Variants in FMN2 observed in about 807,000 individuals in gnomAD.
FMN2 encodes formin 2, also known as formin-2.
A neutral mutation model predicts 142.3 loss-of-function variants in FMN2; 51 were observed. The ratio of observed to expected loss-of-function variants is 0.36; its 90% CI spans 0.29 to 0.45. The LOEUF is 0.45. Among genes scored for constraint, FMN2 ranks in the 20% least tolerant of loss-of-function variants. FMN2 has a pLI of 1.00. For synonymous variants in FMN2, 882 were observed against 869.8 expected (o/e 1.01, Z -0.25); for missense variants, 1,936 against 2,122.8 (o/e 0.91, Z 1.73).
intron 16 of FMN2, among the ~76,000 whole-genome samples, chr1:240,468,249 T>C (rs372906879): frequency 7.2e-4 from 99 of 136,764 alleles, no homozygotes; most frequent in Admixed American, 2.6e-3. Flanking sequence ...CACACACACA[T>C]ATATACATAT....
intron 4 of FMN2, among the ~76,000 whole-genome samples, chr1:240,200,674 G>A (rs376846576): frequency 6.8e-4 from 104 of 152,200 alleles, no homozygotes; most frequent in African/African-American, 2.2e-3. Flanking sequence ...ATACAGGGCC[G>A]GTCGGGATTT....
At chr1:240,310,458 TC>T (rs1356993133) in intron 8 of FMN2, among the ~76,000 whole-genome samples, 1 of 152,178 alleles carries the variant, frequency 6.6e-6, no homozygotes, top group East Asian at 1.9e-4. Flanking sequence ...AGCCTCCAAA[TC>T]TAAACACACC....
In FMN2 at chr1:240,093,645, C is replaced by A. The variant is rs1054813203; in HGVS notation, c.1536C>A (p.Gly512=). ...AGCGCGGGGTGGCGAGTGACAGCGG[C>A]GGTGGGGTGTCCCCAGCACTGGCCG... ...LLERGVASDS[G]GGVSPALAAK... The change falls in exon 1 of 18, where the codon GGC becomes GGA. Residue 512 remains glycine, a synonymous_variant. Coordinates refer to ENST00000319653, the MANE Select transcript of FMN2 (RefSeq NM_020066.5). The A allele has an allele frequency of 4.2e-6, 6 of 1,419,834 alleles. No individual in the cohort carries two copies. Among genetic ancestry groups the A allele is most frequent in the Non-Finnish European group, 5.5e-6 (6 of 1,098,832 alleles). 88.0% of individuals were successfully genotyped at this position (1,419,834 alleles called of 1,614,324 possible).
rs374934885 is a variant in FMN2 at position 240,468,206 on chromosome 1, A to ATATATGTG, written c.5061-4165_5061-4164insATATGTGT. 9.6e-4 allele frequency among the ~76,000 whole-genome samples: 142 copies of ATATATGTG among 147,968 alleles called. 1 individual carries two copies. The highest frequency in any genetic ancestry group is 3.3e-3 in the African/African-American group (130 of 39,984). On this transcript the variant is annotated intron_variant, in intron 16 of 17. Coordinates refer to ENST00000319653, the MANE Select transcript of FMN2 (RefSeq NM_020066.5). ...AATGCATCCACTAAAATATATATAT[A>ATATATGTG]TGTGTGTGTGTGTGTGTGTGTGTGT...
chr1:240,147,949 G>T (rs898376492), intron 2 of FMN2, among the ~76,000 whole-genome samples: 1 of 152,180 alleles, frequency 6.6e-6, no homozygotes, highest in Admixed American at 6.5e-5. Flanking sequence ...TAGAAAGTGT[G>T]TTCTGTGAAT....
intron 3 of FMN2, among the ~76,000 whole-genome samples, chr1:240,185,349 C>T (rs145535847): frequency 3.3e-5 from 5 of 152,082 alleles, no homozygotes; most frequent in African/African-American, 9.6e-5. Context: ...AATCTTGACC[C>T]TCTAGAACTC....
chr1:240,369,686 C>G (rs993543846), intron 14 of FMN2, among the ~76,000 whole-genome samples: 3 of 152,204 alleles, frequency 2.0e-5, no homozygotes, highest in Non-Finnish European at 2.9e-5. Flanking sequence ...TCTGCTTTCT[C>G]TATTCCCTTG....
At chr1:240,308,250 G>T (rs752422792) in intron 8 of FMN2, among the ~76,000 whole-genome samples, 2 of 152,182 alleles carry the variant, frequency 1.3e-5, no homozygotes, top group Non-Finnish European at 2.9e-5. Flanking sequence ...AGCTGAAATG[G>T]CACAAGGGAG....
intron 16 of FMN2, among the ~76,000 whole-genome samples, chr1:240,447,949 A>G (rs1450611162): frequency 6.6e-6 from 1 of 152,214 alleles, no homozygotes; most frequent in African/African-American, 2.4e-5. Flanking sequence ...CAGAGTTCTA[A>G]GCATGAGAGT....
At position 240,459,911 on chromosome 1, in the gene FMN2, C is replaced by T. The variant is rs377155003; in HGVS notation, c.5061-12461C>T. Among the ~76,000 whole-genome samples the T allele has an allele frequency of 5.9e-5, 9 of 151,972 alleles. No individual in the cohort carries two copies. The East Asian group carries it at 7.7e-4, about 13-fold the overall frequency. On this transcript the variant is annotated intron_variant, in intron 16 of 17. Coordinates refer to ENST00000319653, the MANE Select transcript of FMN2 (RefSeq NM_020066.5). ...CTTTCACCAAGTTAAAGTTTCGTCT[C>T]AGTTTTCATTGAGGATTTGTGTGGG...
intron 2 of FMN2, among the ~76,000 whole-genome samples, chr1:240,148,977 A>ATAAAT (rs1553332907): frequency 1.1e-3 from 169 of 150,162 alleles, no homozygotes; most frequent in South Asian, 9.5e-3. Flanking sequence ...GTCTCAAAAA[A>ATAAAT]AAATAAATAA....
At chr1:240,223,976 A>T (rs1321999340) in intron 6 of FMN2, among the ~76,000 whole-genome samples, 1 of 151,768 alleles carries the variant, frequency 6.6e-6, no homozygotes, top group Non-Finnish European at 1.5e-5. Context: ...CCATGTCTCT[A>T]TCTCCTTCAG....
intron 15 of FMN2, among the ~76,000 whole-genome samples, chr1:240,393,059 G>C (rs147858295): frequency 6.6e-6 from 1 of 151,776 alleles, no homozygotes; most frequent in Non-Finnish European, 1.5e-5. Flanking sequence ...CTCTATATAC[G>C]TCAGGGTTCT....
chr1:240,134,745 A>G (rs949383315), intron 2 of FMN2, among the ~76,000 whole-genome samples: 2 of 152,132 alleles, frequency 1.3e-5, no homozygotes, highest in African/African-American at 4.8e-5. Context: ...TTAGTCTGGG[A>G]GTTGACTCTG....
In FMN2 at chr1:240,214,505, C is replaced by T. The variant is rs182726255; in HGVS notation, c.4065+3270C>T. 3.9e-3 allele frequency among the ~76,000 whole-genome samples: 578 copies of T among 147,612 alleles called. 4 individuals are homozygous for T. The highest frequency in any genetic ancestry group is 0.015 in the Middle Eastern group (4 of 274). On this transcript the variant is annotated intron_variant, in intron 6 of 17. Transcript: ENST00000319653. ...AGCAGAGGTTGCAGTGAGCCGAGAT[C>T]GCACCACTGCACTCCAGCCTGGGCA...
At chr1:240,127,997 G>A (rs1000931227) in intron 2 of FMN2, among the ~76,000 whole-genome samples, 2 of 152,164 alleles carry the variant, frequency 1.3e-5, no homozygotes, top group African/African-American at 4.8e-5. Context: ...GAGAACACAA[G>A]GAAATCAAGG....
At chr1:240,255,809 A>G (rs769876079) in intron 6 of FMN2, among the ~76,000 whole-genome samples, 1 of 152,196 alleles carries the variant, frequency 6.6e-6, no homozygotes, top group Non-Finnish European at 1.5e-5. Flanking sequence ...TTCACGAAGT[A>G]GGAGACTGCC....
intron 16 of FMN2, among the ~76,000 whole-genome samples, chr1:240,443,445 C>G (rs1174879987): frequency 6.6e-6 from 1 of 152,130 alleles, no homozygotes; most frequent in Non-Finnish European, 1.5e-5. Flanking sequence ...ATTTGTAGGC[C>G]AGGCATGGTG....
At chr1:240,126,614 C>A (rs1167650717) in intron 2 of FMN2, among the ~76,000 whole-genome samples, 1 of 152,100 alleles carries the variant, frequency 6.6e-6, no homozygotes, top group East Asian at 1.9e-4. Context: ...GAAAAGACTT[C>A]ACATTTTCTC....
Sources: allele counts gnomAD v4.1 joint callset (sites outside exome capture counted in the v4.1 genomes callset), GRCh38; gene constraint gnomAD v4.1.1; transcripts MANE v1.5; gene names NCBI Gene and HGNC (gene_info 2026-07-23, HGNC 2026-07-21).